The following SMG6 variants were observed in gnomAD, a reference collection of about 807,000 sequenced individuals.
The protein encoded by SMG6 is telomerase-binding protein EST1A.
Under a neutral mutation model 142.2 loss-of-function variants are expected in SMG6, and 66 were observed. The observed-to-expected ratio is 0.46, with a 90% CI of 0.38 to 0.57. SMG6 has a LOEUF of 0.57. Among genes scored for constraint, SMG6 ranks in the 20% least tolerant of loss-of-function variants. SMG6 has a pLI of 0.00. For synonymous variants in SMG6, 779 were observed against 702.4 expected (o/e 1.11, Z -1.72); for missense variants, 1,793 against 1,832.0 (o/e 0.98, Z 0.39).
At chr17:2,261,442 T>C (rs2074312287) in intron 8 of SMG6, among the ~76,000 whole-genome samples, 1 of 152,214 alleles carries the variant, frequency 6.6e-6, no homozygotes. Flanking sequence ...TCTGTGTATA[T>C]ATATTTTTGG....
intron 10 of SMG6, among the ~76,000 whole-genome samples, chr17:2,234,353 C>G (rs1358336681): frequency 6.6e-6 from 1 of 151,272 alleles, no homozygotes; most frequent in African/African-American, 2.4e-5. Flanking sequence ...CCTCCACCTC[C>G]CAGGTTCAAG....
At chr17:2,108,796 T>G (rs1008537134) in intron 13 of SMG6, among the ~76,000 whole-genome samples, 4 of 151,912 alleles carry the variant, frequency 2.6e-5, no homozygotes, top group African/African-American at 4.8e-5. Context: ...ATAAAAAAAT[T>G]AGTCGCGCAT....
In SMG6 at chr17:2,172,769, C is replaced by T. The variant is rs138251398; in HGVS notation, c.3246G>A (p.Pro1082=). 1.2e-4 allele frequency: 198 copies of T among 1,613,982 alleles called. No homozygotes were observed. The highest frequency in any genetic ancestry group is 1.5e-4 in the Non-Finnish European group (176 of 1,180,020). The change falls in exon 13 of 19, where the codon CCG becomes CCA. Residue 1082 remains proline, a synonymous_variant. Transcript: ENST00000263073. ...GGATAAGAAGGGTGAGGTCATCATC[C>T]GGGTCCTTGTACAGTGGCACCTCAG... ...NQSEVPLYKD[P]DDDLTLLILE...
At position 2,300,177 on chromosome 17, in the gene SMG6, C is replaced by T. The variant is rs749292157; in HGVS notation, c.576G>A (p.Ala192=). ...CTATCTCAGCCCTGTCTGGTTTATT[C>T]GCAACTTCCTCCTTCGCAACATTTC... ...CRGNVAKEEV[A]NKPDRAEIEK... is the part of the protein sequence containing the mutation. The change falls in exon 2 of 19, where the codon GCG becomes GCA. Residue 192 remains alanine, a synonymous_variant. Transcript: ENST00000263073. 3.1e-6 allele frequency: 5 copies of T among 1,613,848 alleles called. No individual in the cohort carries two copies. Among genetic ancestry groups the T allele is most frequent in the South Asian group, 2.2e-5 (2 of 91,084 alleles).
At chr17:2,289,387 T>C (rs1280412168) in intron 6 of SMG6, among the ~76,000 whole-genome samples, 4 of 151,706 alleles carry the variant, frequency 2.6e-5, no homozygotes, top group Non-Finnish European at 5.9e-5. Flanking sequence ...TGAGATCCTG[T>C]CTATACAAAA....
chr17:2,195,891 C>T (rs1221959627), intron 10 of SMG6, among the ~76,000 whole-genome samples: 1 of 152,074 alleles, frequency 6.6e-6, no homozygotes, highest in Non-Finnish European at 1.5e-5. Context: ...TTTTCACACG[C>T]CCGTGACTCA....
chr17:2,254,087 A>T (rs906185621), intron 8 of SMG6, among the ~76,000 whole-genome samples: 1 of 152,232 alleles, frequency 6.6e-6, no homozygotes, highest in Non-Finnish European at 1.5e-5. Flanking sequence ...AAGAGAAAGA[A>T]AGTTCAGCCA....
chr17:2,258,032 A>ATATATAT (rs1567724395), intron 8 of SMG6, among the ~76,000 whole-genome samples: 2 of 111,352 alleles, frequency 1.8e-5, no homozygotes, highest in African/African-American at 3.2e-5. Flanking sequence ...AAAAAAAAAA[A>ATATATAT]AAATATACAC....
chr17:2,169,861 G>A (rs1377958746), intron 13 of SMG6, among the ~76,000 whole-genome samples: 1 of 152,130 alleles, frequency 6.6e-6, no homozygotes, highest in Non-Finnish European at 1.5e-5. Flanking sequence ...GTAGAAGGGG[G>A]AAGGAACCAG....
intron 10 of SMG6, among the ~76,000 whole-genome samples, chr17:2,200,563 G>A (rs968646529): frequency 6.6e-6 from 1 of 150,930 alleles, no homozygotes; most frequent in East Asian, 1.9e-4. Context: ...ACAGGGTCTT[G>A]TTTTGTTGAC....
Position 2,172,820 on chromosome 17 carries a change from A to T in SMG6, c.3195T>A (p.Cys1065Ter). The change falls in exon 13 of 19, where the codon TGT becomes TGA. Residue 1065 changes from cysteine (C) to a stop codon, truncating the protein, a stop_gained. Transcript: ENST00000263073. LOFTEE classifies it high-confidence loss of function. Reference protein sequence around the residue: ...VDVWSTLADFCNILTAVNQSE... With the variant: ...VDVWSTLADF ...ACTGATTCACTGCAGTCAGTATGTTACAGAAATCAGCCAGCGTCGACCATA... is the reference window on the plus strand; with the variant it reads ...ACTGATTCACTGCAGTCAGTATGTTTCAGAAATCAGCCAGCGTCGACCATA... The T allele has an allele frequency of 1.2e-6, 2 of 1,614,198 alleles. No homozygotes were observed. Among genetic ancestry groups the T allele is most frequent in the Non-Finnish European group, 1.7e-6 (2 of 1,180,038 alleles).
chr17:2,254,479 C>T (rs1312698160), intron 8 of SMG6, among the ~76,000 whole-genome samples: 1 of 152,130 alleles, frequency 6.6e-6, no homozygotes, highest in Non-Finnish European at 1.5e-5. Context: ...GGACTAGAAG[C>T]ACGTGCCACC....
chr17:2,156,063 T>C (rs1477945544), intron 13 of SMG6, among the ~76,000 whole-genome samples: 17 of 144,932 alleles, frequency 1.2e-4, no homozygotes, highest in Non-Finnish European at 1.8e-4. Context: ...TTTAAAATAA[T>C]GAACAAATGT....
chr17:2,283,332 G>A (rs2074832101), intron 7 of SMG6, among the ~76,000 whole-genome samples: 1 of 152,150 alleles, frequency 6.6e-6, no homozygotes, highest in Non-Finnish European at 1.5e-5. Flanking sequence ...TAATTCTGTA[G>A]ACTGAAGGCT....
At position 2,303,506 on chromosome 17, in the gene SMG6, C is replaced by T. The variant is rs539302681; in HGVS notation, c.88+127G>A. ...GGGCAGCGAGGGTCCGCCGCGGCCCCAGCGCCTACTGCTGGGGGAAGGGGC... is the reference window on the plus strand; with the variant it reads ...GGGCAGCGAGGGTCCGCCGCGGCCCTAGCGCCTACTGCTGGGGGAAGGGGC... On this transcript the variant is annotated intron_variant, in intron 1 of 18. Transcript: ENST00000263073. The T allele has an allele frequency of 6.2e-4, 826 of 1,330,298 alleles. 7 individuals are homozygous for T. The highest frequency in any genetic ancestry group is 3.9e-3 in the South Asian group (200 of 51,394). The allele number at this position is 1,330,298 out of a possible 1,614,324, so 82.4% of individuals were successfully genotyped here. A position where few individuals can be genotyped will look rare whatever the true frequency, so the allele number is the denominator to read the frequency against.
intron 13 of SMG6, among the ~76,000 whole-genome samples, chr17:2,167,341 G>C (rs1291499143): frequency 2.0e-5 from 3 of 151,978 alleles, no homozygotes; most frequent in Non-Finnish European, 4.4e-5. Context: ...CAGAAGAAAA[G>C]CAAAAACAGA....
At chr17:2,165,211 A>G (rs914493790) in intron 13 of SMG6, among the ~76,000 whole-genome samples, 5 of 152,204 alleles carry the variant, frequency 3.3e-5, no homozygotes, top group South Asian at 4.1e-4. Flanking sequence ...GCCCAATGAC[A>G]GAATTTCTTC....
intron 18 of SMG6, 85 bp downstream of exon 18, chr17:2,064,988 T>C (rs2067896500): frequency 9.4e-7 from 1 of 1,067,764 alleles, no homozygotes; most frequent in Non-Finnish European, 1.4e-6. Flanking sequence ...CCAGAGTCAG[T>C]GGAGCCCTTC....
intron 9 of SMG6, among the ~76,000 whole-genome samples, chr17:2,241,232 A>T (rs1286292232): frequency 1.3e-5 from 2 of 152,242 alleles, no homozygotes; most frequent in African/African-American, 4.8e-5. Context: ...ATCCTGAAAA[A>T]TAACCTGGAA....
Sources: allele counts gnomAD v4.1 joint callset (sites outside exome capture counted in the v4.1 genomes callset), GRCh38; gene constraint gnomAD v4.1.1; transcripts MANE v1.5; gene names NCBI Gene and HGNC (gene_info 2026-07-23, HGNC 2026-07-21).